BATF3: variants seen among roughly 807,000 people sequenced by gnomAD.
The protein encoded by BATF3 is basic leucine zipper transcriptional factor ATF-like 3.
BATF3 carries 8 observed loss-of-function variants against 16.1 expected under a neutral mutation model. That is an observed-to-expected ratio of 0.50 (90% CI 0.29 to 0.90). The LOEUF is 0.90. Among genes scored for constraint, BATF3 ranks in the 40% least tolerant of loss-of-function variants. The pLI is 0.08. For missense variants in BATF3, 139 were observed against 167.0 expected (o/e 0.83, Z 0.92); for synonymous variants, 74 against 72.7 (o/e 1.02, Z -0.09).
rs1331773704 is a variant in BATF3 at position 212,699,245 on chromosome 1, C to G, written c.90+428G>C. On this transcript the variant is annotated intron_variant, in intron 1 of 2. Transcript: ENST00000243440. This position sits in a 1 kb window ranked among gnomAD's most constrained non-coding sequence, Gnocchi z 4.4. ...GCTGACTAGTCCGGCGTTCTCCATT[C>G]CCGCGGCAGCACCCCCCCCACCCGG... 6.9e-6 allele frequency among the ~76,000 whole-genome samples: 1 copy of G among 144,508 alleles called. No homozygotes were observed. The highest frequency in any genetic ancestry group is 1.5e-5 in the Non-Finnish European group (1 of 64,742). 94.8% of individuals were successfully genotyped at this position (144,508 alleles called of 152,430 possible). A position where few individuals can be genotyped will look rare whatever the true frequency, so the allele number is the denominator to read the frequency against.
Position 212,687,996 on chromosome 1 carries a change from AAAGG to A in BATF3, c.196-1021_196-1018del, listed in dbSNP as rs150731119. Among the ~76,000 whole-genome samples, 203 of 101,286 alleles carry A rather than the reference AAAGG, an allele frequency of 2.0e-3. 3 individuals are homozygous for A. The Middle Eastern group carries it at 0.022, about 11-fold the overall frequency. 66.4% of individuals were successfully genotyped at this position (101,286 alleles called of 152,430 possible). ...GAAAGAAAGAAAGAAAGAAAGAAAGAAAGGAAGGAAGGAAGGAAGGAAGGAAGGA... is the reference window on the plus strand; with the variant it reads ...GAAAGAAAGAAAGAAAGAAAGAAAGAAAGGAAGGAAGGAAGGAAGGAAGGA... On this transcript the variant is annotated intron_variant, in intron 2 of 2. Coordinates refer to ENST00000243440, the MANE Select transcript of BATF3 (RefSeq NM_018664.3).
Position 212,694,829 on chromosome 1 carries a change from T to C in BATF3, c.195+2132A>G, listed in dbSNP as rs1356526405. 2.0e-5 allele frequency among the ~76,000 whole-genome samples: 3 copies of C among 152,358 alleles called. No homozygotes were observed. The East Asian group carries it at 5.8e-4, about 29-fold the overall frequency. On this transcript the variant is annotated intron_variant, in intron 2 of 2. Coordinates refer to ENST00000243440, the MANE Select transcript of BATF3 (RefSeq NM_018664.3). ...GGAGGCACCTTCTGTGACACTAGTC[T>C]AGAGACCTCAGTCTCTTTCTAGGGC... is the stretch of plus-strand genomic sequence containing the variant.
chr1:212,688,083 G>T (rs1172297050), intron 2 of BATF3, among the ~76,000 whole-genome samples: 2 of 151,564 alleles, frequency 1.3e-5, no homozygotes, highest in Non-Finnish European at 2.9e-5. Context: ...AAAAGAAAAA[G>T]CTCTTCTTTG....
chr1:212,699,055 C>T lies in BATF3; in HGVS notation c.90+618G>A, dbSNP rs1386389273. Among the ~76,000 whole-genome samples, 1 of 152,216 alleles carries T rather than the reference C, an allele frequency of 6.6e-6. No individual in the cohort carries two copies. The highest frequency in any genetic ancestry group is 1.5e-5 in the Non-Finnish European group (1 of 68,032). On this transcript the variant is annotated intron_variant, in intron 1 of 2. Coordinates refer to ENST00000243440, the MANE Select transcript of BATF3 (RefSeq NM_018664.3). The surrounding 1 kb of genome is among the most constrained non-coding windows in gnomAD (Gnocchi z 4.4). ...CCAGTCTTCGTCGTAAGGCAGGTGG[C>T]CAAGACCCAGGCAAAGTTTCCAGAC...
chr1:212,690,381 G>C (rs1197390136), intron 2 of BATF3, among the ~76,000 whole-genome samples: 1 of 152,184 alleles, frequency 6.6e-6, no homozygotes, highest in African/African-American at 2.4e-5. Context: ...CCCGACAGGT[G>C]CCCCACGGGC....
intron 2 of BATF3, among the ~76,000 whole-genome samples, chr1:212,694,942 G>A (rs556998683): frequency 6.6e-6 from 1 of 152,336 alleles, no homozygotes; most frequent in South Asian, 2.1e-4. Flanking sequence ...TCTCTGTGGA[G>A]TATGTACATT....
At chr1:212,693,738 G>A (rs1017951354) in intron 2 of BATF3, among the ~76,000 whole-genome samples, 2 of 152,172 alleles carry the variant, frequency 1.3e-5, no homozygotes, top group Non-Finnish European at 2.9e-5. Context: ...CAGGCACCTG[G>A]TTCACTCAGT....
At chr1:212,696,313 T>C (rs950097787) in intron 2 of BATF3, among the ~76,000 whole-genome samples, 4 of 152,044 alleles carry the variant, frequency 2.6e-5, no homozygotes, top group African/African-American at 9.7e-5. Context: ...AAGAGATGGG[T>C]CCAAAGTGTC....
intron 2 of BATF3, among the ~76,000 whole-genome samples, chr1:212,693,773 G>A (rs1020794048): frequency 3.9e-5 from 6 of 152,218 alleles, no homozygotes; most frequent in Admixed American, 2.0e-4. Context: ...GTGACAGAAA[G>A]TGCGAGAGAG....
At position 212,699,696 on chromosome 1, in the gene BATF3, G is replaced by GCTGCGT; in HGVS notation, c.66_67insACGCAG (p.Gln22_Pro23insThrGln). On this transcript the variant is annotated inframe_insertion, in exon 1 of 3. Transcript: ENST00000243440. This position sits in a 1 kb window ranked among gnomAD's most constrained non-coding sequence, Gnocchi z 4.4. ...ACCTGCTGCTGCGGCTGCGGCTGCG[G>GCTGCGT]CTGGTTCCCGGGCGCCGCGACGCTC... The GCTGCGT allele has an allele frequency of 1.5e-6, 2 of 1,350,476 alleles. No individual in the cohort carries two copies. The highest frequency in any genetic ancestry group is 1.9e-6 in the Non-Finnish European group (2 of 1,046,672). 83.7% of individuals were successfully genotyped at this position (1,350,476 alleles called of 1,614,324 possible).
At chr1:212,688,001 AAGG>A (rs1558019184) in intron 2 of BATF3, among the ~76,000 whole-genome samples, 1,965 of 99,428 alleles carry the variant, frequency 0.02, 47 homozygotes, top group African/African-American at 0.064. Flanking sequence ...GAAAGAAAGG[AAGG>A]AAGGAAGGAA....
At chr1:212,695,504 A>AC (rs925759199) in intron 2 of BATF3, among the ~76,000 whole-genome samples, 6 of 150,374 alleles carry the variant, frequency 4.0e-5, no homozygotes, top group African/African-American at 1.5e-4. Context: ...AAAAAAAAAA[A>AC]AAAAAAAAAA....
chr1:212,697,183 A>G, intron 1 of BATF3, 118 bp from the exon 2 acceptor site: 1 of 752,306 alleles, frequency 1.3e-6, no homozygotes, highest in African/African-American at 1.7e-5. Flanking sequence ...AGTAGACAGC[A>G]CCACTAGTTG....
At chr1:212,697,234 C>G in intron 1 of BATF3, 169 bp from the exon 2 acceptor site, 2 of 598,280 alleles carry the variant, frequency 3.3e-6, no homozygotes, top group Non-Finnish European at 6.0e-6. Flanking sequence ...CCCAGGAGCA[C>G]TCACCATGTG....
rs1032215812 is a variant in BATF3, at chr1:212,687,055, A to G, written c.196-76T>C. 10 of 921,296 alleles carry G rather than the reference A, an allele frequency of 1.1e-5. No individual in the cohort carries two copies. The South Asian group carries it at 1.4e-4, about 13-fold the overall frequency. The allele number at this position is 921,296 out of a possible 1,614,324, so 57.1% of individuals were successfully genotyped here. A position where few individuals can be genotyped will look rare whatever the true frequency, so the allele number is the denominator to read the frequency against. On this transcript the variant is annotated intron_variant, in intron 2 of 2. Transcript: ENST00000243440. The stretch of plus-strand genomic sequence containing the variant: ...TCCGTCCTCCTGTGCCGCGCTGTTC[A>G]CCTCTTGCCCATGAAAGCTGTCTCA...
At chr1:212,693,121 G>C (rs882410) in intron 2 of BATF3, among the ~76,000 whole-genome samples, 18,949 of 152,200 alleles carry the variant, frequency 0.12, 1,277 homozygotes, top group Middle Eastern at 0.2. Flanking sequence ...TTGACAAAAG[G>C]GTTCTTTACA....
In BATF3 at chr1:212,686,967, G is replaced by T; in HGVS notation, c.208C>A (p.Leu70Met). 6.2e-7 allele frequency: 1 copy of T among 1,600,250 alleles called. No homozygotes were observed. The highest frequency in any genetic ancestry group is 8.6e-7 in the Non-Finnish European group (1 of 1,167,352). The change falls in exon 3 of 3, where the codon CTG (leucine) becomes ATG (methionine). Residue 70 changes from leucine (L) to methionine (M), a missense_variant. Physicochemically the swap from Leu to Met is conservative, Grantham distance 15. Coordinates refer to ENST00000243440, the MANE Select transcript of BATF3 (RefSeq NM_018664.3). ...CGCAGCATGGTGTTTTCTTGCTCCA[G>T]GCTCTCATATTCCTGGGGGAGACAG... ...ADKLHEEYESLEQENTMLRRE... is the reference protein window; with the variant it reads ...ADKLHEEYESMEQENTMLRRE...
At chr1:212,697,313 A>G in intron 1 of BATF3, 1 of 401,800 alleles carries the variant, frequency 2.5e-6, no homozygotes, top group South Asian at 3.4e-5. Context: ...GAGGTTAAGG[A>G]CCTTGCTCCA....
chr1:212,688,387 T>C (rs916281404), intron 2 of BATF3, among the ~76,000 whole-genome samples: 3 of 152,236 alleles, frequency 2.0e-5, no homozygotes, highest in Non-Finnish European at 4.4e-5. Flanking sequence ...ACCTCTCCTG[T>C]GCTGGGCCCA....
Sources: allele counts gnomAD v4.1 joint callset (sites outside exome capture counted in the v4.1 genomes callset), GRCh38; gene constraint gnomAD v4.1.1; non-coding constraint Gnocchi (gnomAD v3.1); transcripts MANE v1.5; gene names NCBI Gene and HGNC (gene_info 2026-07-23, HGNC 2026-07-21).